The following SMAD9 variants were observed in gnomAD, a reference collection of about 807,000 sequenced individuals.
The protein encoded by SMAD9 is SMAD family member 9.
Under a neutral mutation model 46.1 loss-of-function variants are expected in SMAD9, and 36 were observed. That is an observed-to-expected ratio of 0.78 (90% CI 0.60 to 1.03). SMAD9 has a LOEUF of 1.03. SMAD9 is among the 50% of genes least tolerant of loss of function. The pLI is 0.00. For synonymous variants in SMAD9, 245 were observed against 237.1 expected, an observed-to-expected ratio of 1.03 and a Z score of -0.31; for missense variants, 572 against 599.8, an observed-to-expected ratio of 0.95 and a Z score of 0.48.
chr13:36,849,153 A>T (rs766668493), intron 6 of SMAD9, among the ~76,000 whole-genome samples: 34 of 152,284 alleles, frequency 2.2e-4, no homozygotes, highest in Non-Finnish European at 4.0e-4. Flanking sequence ...TCACCCCTTC[A>T]TGCCCAGGAC....
At chr13:36,867,107 A>C (rs141217447) in intron 4 of SMAD9, among the ~76,000 whole-genome samples, 166 bp downstream of exon 4, 15 of 152,354 alleles carry the variant, frequency 9.8e-5, no homozygotes, top group African/African-American at 3.1e-4. Context: ...TATTGTACTG[A>C]GGAATGTCAA....
At position 36,848,810 on chromosome 13, in the gene SMAD9, C is replaced by T. The variant is rs757734359; in HGVS notation, c.1270G>A (p.Ala424Thr). Residue 424 changes from alanine to threonine, a missense_variant, in exon 7 of 7, where the codon GCT becomes ACT. By Grantham distance (58) the Ala-to-Thr change is moderately conservative. Coordinates refer to ENST00000379826, the MANE Select transcript of SMAD9 (RefSeq NM_001127217.3). ...IRMSFVKGWG[A>T]EYHRQDVTST... ...GTGACATCCTGGCGATGATACTCAG[C>T]ACCCCAACCCTGAAAAACAAGAAAG... 16 of 1,613,844 alleles carry T rather than the reference C, an allele frequency of 9.9e-6. No individual in the cohort carries two copies. Among genetic ancestry groups the T allele is most frequent in the Non-Finnish European group, 1.4e-5 (16 of 1,180,034 alleles).
At chr13:36,908,889 G>C (rs997761317) in intron 1 of SMAD9, among the ~76,000 whole-genome samples, 2 of 152,152 alleles carry the variant, frequency 1.3e-5, no homozygotes, top group Non-Finnish European at 2.9e-5. Context: ...GACTACAAGG[G>C]ATATATGTGG....
Position 36,915,805 on chromosome 13 carries a change from A to T in SMAD9, c.-187+4311T>A, listed in dbSNP as rs866004893. On this transcript the variant is annotated intron_variant, in intron 1 of 6. Coordinates refer to ENST00000379826, the MANE Select transcript of SMAD9 (RefSeq NM_001127217.3). ...CCTTAATATTTATGCCTTTTATTTT[A>T]AATTCTGAATTTAAATTTTATATTG... 1.6e-4 allele frequency among the ~76,000 whole-genome samples: 25 copies of T among 152,202 alleles called. No individual in the cohort carries two copies. The South Asian group carries it at 2.7e-3, about 16-fold the overall frequency.
intron 5 of SMAD9, among the ~76,000 whole-genome samples, chr13:36,865,017 G>T (rs1035597462): frequency 1.3e-5 from 2 of 152,180 alleles, no homozygotes; most frequent in African/African-American, 4.8e-5. Context: ...TCAGAAAAGA[G>T]ACCAGTATGA....
intron 3 of SMAD9, among the ~76,000 whole-genome samples, chr13:36,870,536 T>C (rs2058281090): frequency 7.0e-6 from 1 of 143,158 alleles, no homozygotes; most frequent in Admixed American, 6.9e-5. Context: ...CTCCTTATAA[T>C]CACTTGCCTG....
At chr13:36,868,634 G>A (rs2058258901) in intron 3 of SMAD9, among the ~76,000 whole-genome samples, 1 of 152,074 alleles carries the variant, frequency 6.6e-6, no homozygotes, top group Non-Finnish European at 1.5e-5. Flanking sequence ...GCTACTCAGA[G>A]GCTGAGGAGG....
intron 2 of SMAD9, among the ~76,000 whole-genome samples, chr13:36,874,941 G>A (rs1020735156): frequency 6.7e-6 from 1 of 149,058 alleles, no homozygotes; most frequent in Non-Finnish European, 1.5e-5. Context: ...CATCTTTTAT[G>A]GTAGAGAGTC....
chr13:36,916,772 G>GACA (rs1490740411), intron 1 of SMAD9, among the ~76,000 whole-genome samples: 2 of 151,574 alleles, frequency 1.3e-5, no homozygotes, highest in African/African-American at 2.4e-5. Context: ...CTCGAAGGAG[G>GACA]ACATACCTGG....
At chr13:36,869,999 A>G (rs1593574636) in intron 3 of SMAD9, among the ~76,000 whole-genome samples, 1 of 152,330 alleles carries the variant, frequency 6.6e-6, no homozygotes, top group African/African-American at 2.4e-5. Context: ...TGAACCAGTA[A>G]ATCGCAAAGG....
intron 2 of SMAD9, among the ~76,000 whole-genome samples, chr13:36,874,431 C>T (rs200498925): frequency 6.6e-6 from 1 of 152,210 alleles, no homozygotes; most frequent in Non-Finnish European, 1.5e-5. Flanking sequence ...GACCAATGCC[C>T]TTCTGAGGAC....
At position 36,911,359 on chromosome 13, in the gene SMAD9, A is replaced by G. The variant is rs1226035134; in HGVS notation, c.-187+8757T>C. Among the ~76,000 whole-genome samples the G allele has an allele frequency of 5.9e-5, 9 of 152,136 alleles. 1 individual carries two copies. The highest frequency in any genetic ancestry group is 8.8e-5 in the Non-Finnish European group (6 of 68,044). ...GTAATTAATTGAAGTTCTAACCTAAAGCCCATTGCTTTACTAACGCAATAC... is the reference window on the plus strand; with the variant it reads ...GTAATTAATTGAAGTTCTAACCTAAGGCCCATTGCTTTACTAACGCAATAC... On this transcript the variant is annotated intron_variant, in intron 1 of 6. Transcript: ENST00000379826.
intron 1 of SMAD9, among the ~76,000 whole-genome samples, chr13:36,885,229 T>C (rs1418294502): frequency 1.3e-5 from 2 of 152,198 alleles, no homozygotes; most frequent in Admixed American, 1.3e-4. Context: ...AATGCTTATT[T>C]TACTTTATAA....
At chr13:36,885,408 T>C (rs1236723746) in intron 1 of SMAD9, among the ~76,000 whole-genome samples, 1 of 152,098 alleles carries the variant, frequency 6.6e-6, no homozygotes, top group African/African-American at 2.4e-5. Flanking sequence ...CACACGTATA[T>C]TTAATTCAAA....
At chr13:36,855,991 C>G (rs2058120189) in intron 5 of SMAD9, among the ~76,000 whole-genome samples, 1 of 152,160 alleles carries the variant, frequency 6.6e-6, no homozygotes, top group African/African-American at 2.4e-5. Flanking sequence ...ATCGCTGTTA[C>G]CCACTCTCCT....
chr13:36,877,318 C>A (rs1442252611), intron 2 of SMAD9, among the ~76,000 whole-genome samples: 1 of 152,088 alleles, frequency 6.6e-6, no homozygotes, highest in African/African-American at 2.4e-5. Flanking sequence ...GCAGAGACTG[C>A]GCCACTGCAC....
chr13:36,903,123 T>A (rs1326103935), intron 1 of SMAD9, among the ~76,000 whole-genome samples: 1 of 144,976 alleles, frequency 6.9e-6, no homozygotes, highest in Admixed American at 7.0e-5. Flanking sequence ...TTTTTTTCTT[T>A]TGGTTTTTTT....
intron 5 of SMAD9, among the ~76,000 whole-genome samples, chr13:36,861,498 TAG>T (rs1169473187): frequency 1.3e-5 from 2 of 151,722 alleles, no homozygotes; most frequent in African/African-American, 4.8e-5. Flanking sequence ...GTATTTTTAG[TAG>T]AGACAGAGTT....
At chr13:36,860,481 GCT>G (rs1335424404) in intron 5 of SMAD9, among the ~76,000 whole-genome samples, 1 of 140,924 alleles carries the variant, frequency 7.1e-6, no homozygotes, top group Admixed American at 7.5e-5. Context: ...ATGGAGTCTC[GCT>G]CTGTCGCCCA....
Sources: gnomAD v4.1 joint callset for allele counts (sites outside exome capture counted in the v4.1 genomes callset) on GRCh38, gnomAD v4.1.1 for gene constraint, MANE v1.5 for transcripts, NCBI Gene and HGNC (gene_info 2026-07-23, HGNC 2026-07-21) for gene names.